Variants in GTF2F1 observed in about 807,000 individuals in gnomAD.
GTF2F1 encodes the protein general transcription factor IIF 74 kDa subunit.
A neutral mutation model predicts 63.5 loss-of-function variants in GTF2F1; 39 were observed. The observed-to-expected ratio is 0.61, with a 90% confidence interval of 0.48 to 0.80. GTF2F1 has a LOEUF of 0.80. GTF2F1 is among the 30% of genes least tolerant of loss of function. The pLI, the probability that GTF2F1 is intolerant of heterozygous loss-of-function variation, is 0.00. For missense variants in GTF2F1, 657 were observed against 718.3 expected (o/e 0.91, Z 0.97); for synonymous variants, 287 against 285.3 (o/e 1.01, Z -0.06).
Position 6,385,514 on chromosome 19 carries a change from T to G in GTF2F1, c.497+1875A>C, listed in dbSNP as rs575827010. 2.6e-5 allele frequency among the ~76,000 whole-genome samples: 4 copies of G among 151,346 alleles called. No individual in the cohort carries two copies. The South Asian group carries it at 8.4e-4, about 32-fold the overall frequency. On this transcript the variant is annotated intron_variant, in intron 5 of 12. Transcript: ENST00000394456. ...TCCCTAAAACTTACAAAGCAGATTCTAAGGAAAATACAGCAAAAGCGAACC... is the reference window on the plus strand; with the variant it reads ...TCCCTAAAACTTACAAAGCAGATTCGAAGGAAAATACAGCAAAAGCGAACC...
rs140237224 is a variant in GTF2F1 at position 6,393,097 on chromosome 19, G to A, written c.-102C>T. ...CGGGGAAGCCGCCGCTCGGTGTCGG[G>A]TCTCTGTGCCTGAGCGAGGACCCCA... On this transcript the variant is annotated 5_prime_UTR_variant, in exon 1 of 13. Coordinates refer to ENST00000394456, the MANE Select transcript of GTF2F1 (RefSeq NM_002096.3). 6.0e-4 allele frequency: 907 copies of A among 1,501,414 alleles called. 8 individuals are homozygous for A. The African/African-American group carries it at 0.011, about 19-fold the overall frequency. 93.0% of individuals were successfully genotyped at this position (1,501,414 alleles called of 1,614,324 possible). A position where few individuals can be genotyped will look rare whatever the true frequency, so the allele number is the denominator to read the frequency against.
At chr19:6,389,735 G>A in intron 3 of GTF2F1, 98 bp from the exon 4 acceptor site, 1 of 1,120,626 alleles carries the variant, frequency 8.9e-7, no homozygotes, top group Non-Finnish European at 1.3e-6. Flanking sequence ...CCAAGCTCTA[G>A]ATTCTCAAAA....
chr19:6,381,815 G>C lies in GTF2F1; in HGVS notation c.718C>G (p.Leu240Val). ...RVPKAKKKAP[L>V]AKGGRKKKKK... is the part of the protein sequence containing the mutation. ...TTCTTTTTCCTGCCGCCCTTGGCCA[G>C]CGGCGCCTTCTTCTTGGCCTTGGGG... The change falls in exon 7 of 13, where the codon CTG (leucine) becomes GTG (valine). Residue 240 changes from leucine (L) to valine (V), a missense_variant. Leu to Val is a conservative substitution (Grantham distance 32). Coordinates refer to ENST00000394456, the MANE Select transcript of GTF2F1 (RefSeq NM_002096.3). This position sits in a 1 kb window ranked among gnomAD's most constrained non-coding sequence, Gnocchi z 4.1. 6.2e-7 allele frequency: 1 copy of C among 1,613,640 alleles called. No homozygotes were observed. The highest frequency in any genetic ancestry group is 8.5e-7 in the Non-Finnish European group (1 of 1,179,980).
rs554602677 is a variant in GTF2F1 at position 6,380,071 on chromosome 19, A to C, written c.*210T>G. 1.1e-4 allele frequency: 69 copies of C among 606,512 alleles called. No individual in the cohort carries two copies. The South Asian group carries it at 1.3e-3, about 11-fold the overall frequency. The allele number at this position is 606,512 out of a possible 1,614,324, so 37.6% of individuals were successfully genotyped here. ...CAGGCATCTGAAGATTCCAGAAGGA[A>C]GGGCCAGAGGAGGAGATGGCTTAAC... On this transcript the variant is annotated 3_prime_UTR_variant, in exon 13 of 13. Transcript: ENST00000394456. This position sits in a 1 kb window ranked among gnomAD's most constrained non-coding sequence, Gnocchi z 5.3.
At chr19:6,390,969 G>A (rs181051727) in intron 3 of GTF2F1, among the ~76,000 whole-genome samples, 4 of 152,214 alleles carry the variant, frequency 2.6e-5, no homozygotes, top group African/African-American at 7.2e-5. Context: ...ACAATTTATC[G>A]TGACCTACAT....
At chr19:6,391,505 T>C (rs2091997838) in intron 3 of GTF2F1, among the ~76,000 whole-genome samples, 1 of 136,324 alleles carries the variant, frequency 7.3e-6, no homozygotes, top group African/African-American at 2.7e-5. Flanking sequence ...CAGGCTGGAG[T>C]GCAGTCGTAC....
intron 6 of GTF2F1, among the ~76,000 whole-genome samples, chr19:6,382,308 CAGTG>C (rs1456452270): frequency 6.6e-6 from 1 of 151,996 alleles, no homozygotes. Flanking sequence ...CTGGGCAACA[CAGTG>C]AGTGAGACCC....
At position 6,381,193 on chromosome 19, in the gene GTF2F1, T is replaced by C. The variant is rs527508942; in HGVS notation, c.1021A>G (p.Ser341Gly). ...TCTGAGCTGTCCGACTCCTCGCTGC[T>C]GTCTGCGGGGCACAGGAAAGGGGTC... ...TPQEKKRRKD[S>G]SEESDSSEES... Residue 341 changes from serine (S) to glycine (G), a missense_variant and splice_region_variant, in exon 10 of 13, where the codon AGC becomes GGC. By Grantham distance (56) the Ser-to-Gly change is moderately conservative (BLOSUM62 0). Transcript: ENST00000394456. The surrounding 1 kb of genome is among the most constrained non-coding windows in gnomAD (Gnocchi z 4.1). 15 of 1,607,432 alleles carry C rather than the reference T, an allele frequency of 9.3e-6. No homozygotes were observed. The African/African-American group carries it at 1.9e-4, about 20-fold the overall frequency.
chr19:6,381,437 CCTCCTCACT>C lies in GTF2F1; in HGVS notation c.931_939del (p.Ser311_Glu313del), dbSNP rs1568329026. The C allele has an allele frequency of 1.2e-6, 2 of 1,609,952 alleles. No individual in the cohort carries two copies. Among genetic ancestry groups the C allele is most frequent in the South Asian group, 2.2e-5 (2 of 91,078 alleles). On this transcript the variant is annotated inframe_deletion, in exon 9 of 13. Coordinates refer to ENST00000394456, the MANE Select transcript of GTF2F1 (RefSeq NM_002096.3). The surrounding 1 kb of genome is among the most constrained non-coding windows in gnomAD (Gnocchi z 4.1). ...TCCTTGTCCTCCTCAGGCGGCTTCTCCTCCTCACTCTCCTCACTACTGTCGCTCTGCTCA... is the reference window on the plus strand; with the variant it reads ...TCCTTGTCCTCCTCAGGCGGCTTCTCCTCCTCACTACTGTCGCTCTGCTCA...
In GTF2F1 at chr19:6,385,574, C is replaced by G. The variant is rs115600542; in HGVS notation, c.497+1815G>C. Among the ~76,000 whole-genome samples the G allele has an allele frequency of 4.7e-3, 718 of 152,198 alleles. 7 individuals are homozygous for G. Among genetic ancestry groups the G allele is most frequent in the African/African-American group, 0.017 (689 of 41,514 alleles). ...AGCAATGATTGATCGACTGATTTTA[C>G]AGTGGAGCCCCAGGAACTCAACCAA... On this transcript the variant is annotated intron_variant, in intron 5 of 12. Transcript: ENST00000394456.
Position 6,383,525 on chromosome 19 carries a change from C to G in GTF2F1, c.498-30G>C. ...GGGCCAGGCACAGGGGGGCTCATGC[C>G]GGGCCTGGCACCACCCTGCATCTGT... On this transcript the variant is annotated intron_variant, in intron 5 of 12. Coordinates refer to ENST00000394456, the MANE Select transcript of GTF2F1 (RefSeq NM_002096.3). The surrounding 1 kb of genome is among the most constrained non-coding windows in gnomAD (Gnocchi z 4.5). The G allele has an allele frequency of 6.2e-7, 1 of 1,604,530 alleles. No individual in the cohort carries two copies. Among genetic ancestry groups the G allele is most frequent in the Non-Finnish European group, 8.5e-7 (1 of 1,174,970 alleles).
chr19:6,387,649 G>A, intron 4 of GTF2F1, 90 bp from the exon 5 acceptor site: 1 of 1,053,998 alleles, frequency 9.5e-7, no homozygotes, highest in Non-Finnish European at 1.4e-6. Flanking sequence ...TATGGCACTT[G>A]CCATAGGAGG....
In GTF2F1 at chr19:6,381,265, G is replaced by A. The variant is rs1243277713; in HGVS notation, c.1019-70C>T. On this transcript the variant is annotated intron_variant, in intron 9 of 12. Transcript: ENST00000394456. This position sits in a 1 kb window ranked among gnomAD's most constrained non-coding sequence, Gnocchi z 4.1. The stretch of plus-strand genomic sequence containing the variant: ...CCCGGTGCCCACTGGTGCCTCCACT[G>A]CAGATGAGGGAGGCCTGCAGGGGAG... The A allele has an allele frequency of 3.3e-5, 52 of 1,556,558 alleles. No homozygotes were observed. The highest frequency in any genetic ancestry group is 4.1e-5 in the Non-Finnish European group (47 of 1,150,322).
In GTF2F1 at chr19:6,389,521, C is replaced by T; in HGVS notation, c.249G>A (p.Lys83=). ...GGAACTCCTTGAGGACGATGCCGTA[C>T]TTCTTCCTCCGAGCCTCCTCCCGAA... ...RKLREEARRK[K]YGIVLKEFRP... is the part of the protein sequence containing the mutation. The change falls in exon 4 of 13, where the codon AAG becomes AAA. Residue 83 remains lysine (K), a synonymous_variant. Coordinates refer to ENST00000394456, the MANE Select transcript of GTF2F1 (RefSeq NM_002096.3). 1 of 1,614,250 alleles carries T rather than the reference C, an allele frequency of 6.2e-7. No individual in the cohort carries two copies. The highest frequency in any genetic ancestry group is 8.5e-7 in the Non-Finnish European group (1 of 1,180,048).
Position 6,383,319 on chromosome 19 carries a change from CCACTGGCAT to C in GTF2F1, c.665_673del (p.Asp222_Ser224del). 6 of 1,613,996 alleles carry C rather than the reference CCACTGGCAT, an allele frequency of 3.7e-6. No homozygotes were observed. Among genetic ancestry groups the C allele is most frequent in the Non-Finnish European group, 5.1e-6 (6 of 1,180,034 alleles). ...CAGGCGCCCGTACTCACCCTCCTCA[CCACTGGCAT>C]CACTGGCATCGGACGACATCTCCAG... On this transcript the variant is annotated inframe_deletion, in exon 6 of 13. Coordinates refer to ENST00000394456, the MANE Select transcript of GTF2F1 (RefSeq NM_002096.3). The surrounding 1 kb of genome is among the most constrained non-coding windows in gnomAD (Gnocchi z 4.5).
At position 6,381,319 on chromosome 19, in the gene GTF2F1, C is replaced by T. The variant is rs1485297765; in HGVS notation, c.1018+40G>A. 1 of 1,546,322 alleles carries T rather than the reference C, an allele frequency of 6.5e-7. No homozygotes were observed. Among genetic ancestry groups the T allele is most frequent in the Non-Finnish European group, 8.7e-7 (1 of 1,144,516 alleles). On this transcript the variant is annotated intron_variant, in intron 9 of 12. Transcript: ENST00000394456. The surrounding 1 kb of genome is among the most constrained non-coding windows in gnomAD (Gnocchi z 4.1). ...GGAGGAGGTGGCAGGGCGCCAGGGC[C>T]CGACCCAAGCCTCCAATATGGGGGC... is the stretch of plus-strand genomic sequence containing the variant.
Position 6,380,804 on chromosome 19 carries a change from C to A in GTF2F1, c.1231+100G>T. The A allele has an allele frequency of 6.7e-7, 1 of 1,494,094 alleles. No homozygotes were observed. The allele number at this position is 1,494,094 out of a possible 1,614,324, so 92.6% of individuals were successfully genotyped here. A position where few individuals can be genotyped will look rare whatever the true frequency, so the allele number is the denominator to read the frequency against. On this transcript the variant is annotated intron_variant, in intron 11 of 12. Coordinates refer to ENST00000394456, the MANE Select transcript of GTF2F1 (RefSeq NM_002096.3). The surrounding 1 kb of genome is among the most constrained non-coding windows in gnomAD (Gnocchi z 5.3). ...TTCAAGGGGATCAGGGAGAGACAGG[C>A]CTCCACCCGCATCTCCATCCCCTCT...
Position 6,383,191 on chromosome 19 carries a change from T to G in GTF2F1, c.682+120A>C. ...TGCTGGGATGACAGGCGTGAGCCACTGTGCCCGGCCCCACTTGCCTCTCAT... is the reference window on the plus strand; with the variant it reads ...TGCTGGGATGACAGGCGTGAGCCACGGTGCCCGGCCCCACTTGCCTCTCAT... On this transcript the variant is annotated intron_variant, in intron 6 of 12. Coordinates refer to ENST00000394456, the MANE Select transcript of GTF2F1 (RefSeq NM_002096.3). The surrounding 1 kb of genome is among the most constrained non-coding windows in gnomAD (Gnocchi z 4.5). The G allele has an allele frequency of 2.8e-6, 3 of 1,057,068 alleles. No homozygotes were observed. The highest frequency in any genetic ancestry group is 4.2e-6 in the Non-Finnish European group (3 of 713,638). The allele number at this position is 1,057,068 out of a possible 1,614,324, so 65.5% of individuals were successfully genotyped here.
In GTF2F1 at chr19:6,381,057, G is replaced by A. The variant is rs746552099; in HGVS notation, c.1093-15C>T. 6.2e-7 allele frequency: 1 copy of A among 1,610,832 alleles called. No homozygotes were observed. Among genetic ancestry groups the A allele is most frequent in the South Asian group, 1.1e-5 (1 of 90,412 alleles). On this transcript the variant is annotated splice_polypyrimidine_tract_variant and intron_variant, in intron 10 of 12. Transcript: ENST00000394456. The surrounding 1 kb of genome is among the most constrained non-coding windows in gnomAD (Gnocchi z 4.1). ...GTCTTCTTCTTCTGCAGAGGTCAGG[G>A]TTGGGAGGTGGGTGAGTCTGCAAAC...
Sources: gnomAD v4.1 joint callset for allele counts (sites outside exome capture counted in the v4.1 genomes callset) on GRCh38, gnomAD v4.1.1 for gene constraint, Gnocchi (gnomAD v3.1) non-coding constraint, MANE v1.5 for transcripts, NCBI Gene and HGNC (gene_info 2026-07-23, HGNC 2026-07-21) for gene names.